Variants in AHNAK observed in about 807,000 individuals in gnomAD.
AHNAK encodes neuroblast differentiation-associated protein AHNAK.
Under a neutral mutation model 37.8 loss-of-function variants are expected in AHNAK, and 23 were observed. The ratio of observed to expected loss-of-function variants is 0.61; its 90% CI spans 0.44 to 0.86. The LOEUF (loss-of-function observed/expected upper bound fraction) is 0.86, where lower values mean the gene tolerates loss of function less well. AHNAK is among the 40% of genes least tolerant of loss of function. The probability of loss-of-function intolerance (pLI) is 0.00; values close to 1 mark genes in which losing one functional copy is unlikely to be tolerated. For missense variants in AHNAK, 7,411 were observed against 7,319.4 expected, an observed-to-expected ratio of 1.01 and a Z score of -0.46; for synonymous variants, 2,481 against 2,636.3, an observed-to-expected ratio of 0.94 and a Z score of 1.80.
At chr11:62,496,370 T>C (rs914974960) in intron 4 of AHNAK, among the ~76,000 whole-genome samples, 7 of 152,178 alleles carry the variant, frequency 4.6e-5, no homozygotes, top group African/African-American at 1.7e-4. Context: ...AATATTAAGA[T>C]ACTCTATGAG....
intron 1 of AHNAK, among the ~76,000 whole-genome samples, chr11:62,538,814 G>A (rs1941034151): frequency 2.0e-5 from 3 of 152,240 alleles, no homozygotes; most frequent in Admixed American, 6.5e-5. Flanking sequence ...AGGCTTGGGA[G>A]CCTTCTAGGG....
At chr11:62,463,496 G>A (rs575351767) in intron 5 of AHNAK, among the ~76,000 whole-genome samples, 24 of 133,470 alleles carry the variant, frequency 1.8e-4, no homozygotes, top group Admixed American at 1.4e-3. Flanking sequence ...CCTCCCTCCC[G>A]TCTTGCTTTC....
At position 62,531,377 on chromosome 11, in the gene AHNAK, C is replaced by G. The variant is rs568862666; in HGVS notation, c.3040G>C (p.Glu1014Gln). The change falls in exon 5 of 5, where the codon GAG (glutamate) becomes CAG (glutamine). Residue 1014 changes from glutamate (E) to glutamine (Q), a missense_variant. Glu to Gln is a conservative substitution (Grantham distance 29). Coordinates refer to ENST00000378024, the MANE Select transcript of AHNAK (RefSeq NM_001620.3). ...PKFSMPSLKG[E>Q]GPEFDVNLSK... Reference sequence around the variant, plus strand: ...AGGTTCACATCAAATTCTGGCCCCTCTCCTTTGAGGCTGGGCATGCTAAAT... The same window carrying G: ...AGGTTCACATCAAATTCTGGCCCCTGTCCTTTGAGGCTGGGCATGCTAAAT... 1 of 1,614,098 alleles carries G rather than the reference C, an allele frequency of 6.2e-7. No homozygotes were observed. Among genetic ancestry groups the G allele is most frequent in the African/African-American group, 1.3e-5 (1 of 74,994 alleles).
intron 5 of AHNAK, among the ~76,000 whole-genome samples, chr11:62,435,513 G>T (rs1264214520): frequency 6.6e-6 from 1 of 151,514 alleles, no homozygotes; most frequent in Non-Finnish European, 1.5e-5. Context: ...CGGGGTTCCC[G>T]CCATTCTCCT....
intron 5 of AHNAK, among the ~76,000 whole-genome samples, chr11:62,454,557 C>T (rs939285942): frequency 3.9e-5 from 6 of 152,128 alleles, no homozygotes; most frequent in African/African-American, 1.4e-4. Flanking sequence ...AGAGCTGGAA[C>T]TTCTGACCCT....
In AHNAK at chr11:62,443,042, G is replaced by C. The variant is rs560170563; in HGVS notation, c.443-9151C>G. 2.0e-3 allele frequency among the ~76,000 whole-genome samples: 298 copies of C among 151,162 alleles called. 3 individuals are homozygous for C. The highest frequency in any genetic ancestry group is 6.8e-3 in the African/African-American group (281 of 41,220). On this transcript the variant is annotated intron_variant, in intron 5 of 5. Transcript: ENST00000257247. ...GCTGGAGTGCGGTGGCGTGATCTTG[G>C]CTCACTGCAACCTCCGCCTCCCAGA...
rs894771557 is a variant in AHNAK, at chr11:62,531,493, A to G, written c.2924T>C (p.Leu975Pro). 1.9e-6 allele frequency: 3 copies of G among 1,614,092 alleles called. No homozygotes were observed. Among genetic ancestry groups the G allele is most frequent in the African/African-American group, 2.7e-5 (2 of 74,938 alleles). Residue 975 changes from leucine to proline, a missense_variant, in exon 5 of 5, where the codon CTG becomes CCG. Leu to Pro is a moderately conservative substitution (Grantham distance 98). Transcript: ENST00000378024. ...ACTGACATCTACTTTTGGGCCTTTC[A>G]GGTCCCCTTCCAGCTTTGGCACTGT... Reference protein sequence around the residue: ...DMTVPKLEGDLKGPKVDVSAP... With the variant: ...DMTVPKLEGDPKGPKVDVSAP...
At chr11:62,535,308 C>G in intron 3 of AHNAK, 118 bp from the exon 4 acceptor site, 1 of 893,680 alleles carries the variant, frequency 1.1e-6, no homozygotes, top group Non-Finnish European at 1.7e-6. Context: ...GCAAGGTGGG[C>G]ATGGTAATAC....
At chr11:62,445,819 C>T (rs1307733314) in intron 5 of AHNAK, among the ~76,000 whole-genome samples, 3 of 152,040 alleles carry the variant, frequency 2.0e-5, no homozygotes, top group African/African-American at 7.2e-5. Context: ...GAGTTCCCGA[C>T]CAACCTGGCC....
intron 5 of AHNAK, among the ~76,000 whole-genome samples, chr11:62,455,879 A>AG (rs1171559804): frequency 6.7e-6 from 1 of 149,336 alleles, no homozygotes; most frequent in Non-Finnish European, 1.5e-5. Context: ...AAAAAAAAAA[A>AG]CTATACAAAA....
chr11:62,486,694 A>C (rs1387787437), intron 5 of AHNAK, among the ~76,000 whole-genome samples: 4 of 152,090 alleles, frequency 2.6e-5, no homozygotes, highest in Admixed American at 2.0e-4. Context: ...ACTGTATACC[A>C]CTGAGCTGTA....
chr11:62,483,229 A>G (rs1442963187), intron 5 of AHNAK, among the ~76,000 whole-genome samples: 1 of 152,158 alleles, frequency 6.6e-6, no homozygotes, highest in African/African-American at 2.4e-5. Context: ...CTGCTTTACC[A>G]GAAGAATGCT....
At chr11:62,472,874 G>A (rs1939060690) in intron 5 of AHNAK, among the ~76,000 whole-genome samples, 1 of 150,908 alleles carries the variant, frequency 6.6e-6, no homozygotes, top group Non-Finnish European at 1.5e-5. Flanking sequence ...ATCGCTTGAG[G>A]TCAGGAGGTC....
intron 1 of AHNAK, 77 bp from the exon 2 acceptor site, chr11:62,536,644 C>T (rs1565249905): frequency 1.3e-5 from 2 of 152,418 alleles, no homozygotes; most frequent in Admixed American, 6.5e-5. Context: ...AAGGGATAGC[C>T]AGGTCCTCTG....
In AHNAK at chr11:62,527,358, T is replaced by A; in HGVS notation, c.7059A>T (p.Leu2353Phe). The A allele has an allele frequency of 1.2e-6, 2 of 1,614,070 alleles. No individual in the cohort carries two copies. The highest frequency in any genetic ancestry group is 1.3e-5 in the African/African-American group (1 of 75,040). Residue 2353 changes from leucine (L) to phenylalanine (F), a missense_variant, in exon 5 of 5, where the codon TTA (leucine) becomes TTT (phenylalanine). Physicochemically the swap from Leu to Phe is conservative, Grantham distance 22 (BLOSUM62 0). Transcript: ENST00000378024. ...GPELDVKGPK[L>F]DADMPEVAVE... Reference sequence around the variant, plus strand: ...CAGCTACTTCTGGCATGTCAGCATCTAATTTGGGACCTTTGACATCCAATT... The same window carrying A: ...CAGCTACTTCTGGCATGTCAGCATCAAATTTGGGACCTTTGACATCCAATT...
chr11:62,507,332 A>G (rs1939829535), intron 4 of AHNAK, among the ~76,000 whole-genome samples: 1 of 152,230 alleles, frequency 6.6e-6, no homozygotes, highest in South Asian at 2.1e-4. Context: ...GTGGAAATGA[A>G]AAGAGAGAAA....
At position 62,517,281 on chromosome 11, in the gene AHNAK, G is replaced by A. The variant is rs775743273; in HGVS notation, c.17136C>T (p.Ile5712=). 1.9e-6 allele frequency: 3 copies of A among 1,614,090 alleles called. No individual in the cohort carries two copies. The highest frequency in any genetic ancestry group is 1.7e-6 in the Non-Finnish European group (2 of 1,180,022). Residue 5712 remains isoleucine, a synonymous_variant, in exon 5 of 5, where the codon ATC becomes ATT. Coordinates refer to ENST00000378024, the MANE Select transcript of AHNAK (RefSeq NM_001620.3). ...ESEVKLKKSK[I]KMPKFNFSKP... ...TGGAAAAATTAAACTTGGGCATTTTGATCTTGGACTTTTTCAGTTTGACTT... is the reference window on the plus strand; with the variant it reads ...TGGAAAAATTAAACTTGGGCATTTTAATCTTGGACTTTTTCAGTTTGACTT...
intron 5 of AHNAK, among the ~76,000 whole-genome samples, chr11:62,445,851 T>C (rs1202279234): frequency 7.9e-5 from 12 of 152,084 alleles, no homozygotes; most frequent in Admixed American, 7.9e-4. Context: ...ATCCTGTCTC[T>C]ACTAAAAATA....
intron 3 of AHNAK, 126 bp from the exon 4 acceptor site, chr11:62,535,316 T>G: frequency 4.0e-5 from 33 of 826,546 alleles, no homozygotes; most frequent in Non-Finnish European, 6.0e-5. Flanking sequence ...GGCATGGTAA[T>G]ACCCATTGTA....
Sources: gnomAD v4.1 joint callset for allele counts (sites outside exome capture counted in the v4.1 genomes callset) on GRCh38, gnomAD v4.1.1 for gene constraint, MANE v1.5 for transcripts, NCBI Gene and HGNC (gene_info 2026-07-23, HGNC 2026-07-21) for gene names.